The following CHD2 variants were observed in gnomAD, a reference collection of about 807,000 sequenced individuals.
CHD2 encodes the protein ATP-dependent chromatin remodeler CHD2.
CHD2 carries 28 observed loss-of-function variants against 243.9 expected under a neutral mutation model. That is an observed-to-expected ratio of 0.11 (90% CI 0.09 to 0.16). The LOEUF is 0.16. Ranked by LOEUF, CHD2 falls within the 10% of genes least tolerant of loss-of-function variation. The pLI, the probability that CHD2 is intolerant of heterozygous loss-of-function variation, is 1.00. For synonymous variants in CHD2, 775 were observed against 779.0 expected (o/e 0.99, Z 0.09); for missense variants, 1,386 against 2,209.8 (o/e 0.63, Z 7.47).
At chr15:92,930,726 T>C (rs1445723760) in intron 5 of CHD2, among the ~76,000 whole-genome samples, 1 of 152,166 alleles carries the variant, frequency 6.6e-6, no homozygotes, top group African/African-American at 2.4e-5. Context: ...GCCCCGCCAC[T>C]TATCAGTCTT....
At chr15:93,006,180 G>T (rs995626509) in intron 34 of CHD2, among the ~76,000 whole-genome samples, 5 of 125,792 alleles carry the variant, frequency 4.0e-5, no homozygotes, top group Middle Eastern at 6.8e-3. Context: ...AGGCTGGATT[G>T]CAGTGGCTCA....
chr15:93,021,644 G>GA (rs2054536037), intron 38 of CHD2: 1 of 152,202 alleles, frequency 6.6e-6, no homozygotes, highest in Non-Finnish European at 1.5e-5. Flanking sequence ...AGACTGCTGT[G>GA]AGGCCCATCC....
intron 9 of CHD2, chr15:92,943,570 G>A (rs1182062432): frequency 6.2e-6 from 1 of 160,554 alleles, no homozygotes; most frequent in Non-Finnish European, 1.4e-5. Flanking sequence ...CAGAAATGAT[G>A]TGAAGGAAAT....
At chr15:92,916,837 C>T in intron 2 of CHD2, among the ~76,000 whole-genome samples, 1 of 152,228 alleles carries the variant, frequency 6.6e-6, no homozygotes, top group East Asian at 1.9e-4. Flanking sequence ...CAGGCATGAG[C>T]TACTGCTCCT....
At position 92,980,886 on chromosome 15, in the gene CHD2, T is replaced by C; in HGVS notation, c.2948T>C (p.Leu983Pro). The C allele has an allele frequency of 6.2e-7, 1 of 1,613,450 alleles. No homozygotes were observed. Among genetic ancestry groups the C allele is most frequent in the Non-Finnish European group, 8.5e-7 (1 of 1,179,522 alleles). ...GGAGCAGAGGATCTCTTCAAAGAAC[T>C]GGAAGGGGAGGAATCAGAACCTCAG... ...KFGAEDLFKELEGEESEPQEM... is the reference protein window; with the variant it reads ...KFGAEDLFKEPEGEESEPQEM... Residue 983 changes from leucine (L) to proline (P), a missense_variant, in exon 23 of 39, where the codon CTG (leucine) becomes CCG (proline). Leu to Pro is a moderately conservative substitution (Grantham distance 98). This residue lies in a region of CHD2 where 99 missense variants were observed against 206.4 expected (regional missense o/e 0.48). Transcript: ENST00000394196.
intron 2 of CHD2, among the ~76,000 whole-genome samples, chr15:92,915,804 C>A (rs948052684): frequency 1.4e-4 from 22 of 152,078 alleles, no homozygotes; most frequent in Non-Finnish European, 2.6e-4. Context: ...GTCAGGCAAA[C>A]CTGCCTCCCA....
rs1304476368 is a variant in CHD2, at chr15:93,014,690, C to A, written c.4693-6C>A. 2 of 1,613,498 alleles carry A rather than the reference C, an allele frequency of 1.2e-6. No homozygotes were observed. Among genetic ancestry groups the A allele is most frequent in the Non-Finnish European group, 1.7e-6 (2 of 1,179,820 alleles). ...TGAGCTTCTTTGGTTTCCTTTTACT[C>A]TTTAGGAGCAAAAGAAGAAAGACGA... On this transcript the variant is annotated splice_polypyrimidine_tract_variant and splice_region_variant and intron_variant, in intron 36 of 38. Coordinates refer to ENST00000394196, the MANE Select transcript of CHD2 (RefSeq NM_001271.4).
chr15:92,908,662 C>G (rs1362842419), intron 2 of CHD2, among the ~76,000 whole-genome samples: 1 of 152,214 alleles, frequency 6.6e-6, no homozygotes, highest in Non-Finnish European at 1.5e-5. Flanking sequence ...TTTCCATTGC[C>G]TGTCCCATTT....
chr15:92,928,976 C>G (rs977635611), intron 4 of CHD2, 54 bp from the exon 5 acceptor site: 3 of 1,535,914 alleles, frequency 2.0e-6, no homozygotes, highest in Non-Finnish European at 2.7e-6. Context: ...AGTGTTGTCC[C>G]GAAGAACTGT....
chr15:92,951,954 G>A (rs2053559736), intron 13 of CHD2, among the ~76,000 whole-genome samples: 1 of 152,122 alleles, frequency 6.6e-6, no homozygotes, highest in South Asian at 2.1e-4. Flanking sequence ...CAGTTAGGTT[G>A]CCTTTAACTC....
At chr15:93,007,636 T>C (rs901081111) in intron 34 of CHD2, among the ~76,000 whole-genome samples, 1 of 152,202 alleles carries the variant, frequency 6.6e-6, no homozygotes, top group African/African-American at 2.4e-5. Flanking sequence ...TGCCAGATAC[T>C]CAGTGGCTGA....
chr15:92,976,118 T>C (rs908648471), intron 20 of CHD2, among the ~76,000 whole-genome samples: 12 of 152,174 alleles, frequency 7.9e-5, no homozygotes, highest in Admixed American at 6.5e-4. Flanking sequence ...TTGGTTGAAA[T>C]TGGTTTTGTG....
rs765676490 is a variant in CHD2 at position 92,997,115 on chromosome 15, A to G, written c.3734+20A>G. ...AAAAAAGTGAGTATATTTTGTGTAC[A>G]TGCTTAGATGGTCGTACCGTAAGAA... On this transcript the variant is annotated intron_variant, in intron 29 of 38. Transcript: ENST00000394196. The surrounding 1 kb of genome is among the most constrained non-coding windows in gnomAD (Gnocchi z 4.1). 6.2e-7 allele frequency: 1 copy of G among 1,606,020 alleles called. No individual in the cohort carries two copies. Among genetic ancestry groups the G allele is most frequent in the Non-Finnish European group, 8.5e-7 (1 of 1,177,682 alleles).
chr15:93,011,928 C>G (rs1003136616), intron 35 of CHD2, among the ~76,000 whole-genome samples: 1 of 152,120 alleles, frequency 6.6e-6, no homozygotes, highest in Non-Finnish European at 1.5e-5. Context: ...TGAAGGAAAA[C>G]TTAAAAGGAC....
At chr15:92,975,574 G>A (rs913561244) in intron 20 of CHD2, among the ~76,000 whole-genome samples, 3 of 152,130 alleles carry the variant, frequency 2.0e-5, no homozygotes, top group Non-Finnish European at 4.4e-5. Context: ...GAATAAAACT[G>A]TAATAATGTG....
chr15:92,993,395 G>A (rs1294865188), intron 28 of CHD2, among the ~76,000 whole-genome samples: 1 of 152,158 alleles, frequency 6.6e-6, no homozygotes, highest in Admixed American at 6.5e-5. Context: ...CAAACACAAA[G>A]GATTTAGAGA....
At position 92,998,102 on chromosome 15, in the gene CHD2, C is replaced by A; in HGVS notation, c.3886-397C>A. ...CCTGGCGTAGCTCAGTGCTCTCCGG[C>A]AATGCTCTAAGAAGCATTTTCAATC... On this transcript the variant is annotated intron_variant, in intron 30 of 38. Coordinates refer to ENST00000394196, the MANE Select transcript of CHD2 (RefSeq NM_001271.4). The surrounding 1 kb of genome is among the most constrained non-coding windows in gnomAD (Gnocchi z 5.1). The A allele has an allele frequency of 2.5e-6, 2 of 806,514 alleles. No individual in the cohort carries two copies. The highest frequency in any genetic ancestry group is 3.0e-6 in the Non-Finnish European group (2 of 660,324). The allele number at this position is 806,514 out of a possible 1,614,324, so 50.0% of individuals were successfully genotyped here.
chr15:92,910,606 G>T (rs962638987), intron 2 of CHD2, among the ~76,000 whole-genome samples: 1 of 152,074 alleles, frequency 6.6e-6, no homozygotes, highest in Non-Finnish European at 1.5e-5. Flanking sequence ...ATGTCGGTCA[G>T]GCTGGTCTCA....
chr15:92,964,118 C>G (rs1420234389), intron 16 of CHD2, among the ~76,000 whole-genome samples: 1 of 152,162 alleles, frequency 6.6e-6, no homozygotes, highest in Non-Finnish European at 1.5e-5. Flanking sequence ...GAGGAACTTT[C>G]AATTACTTTA....
Sources: allele counts gnomAD v4.1 joint callset (sites outside exome capture counted in the v4.1 genomes callset), GRCh38; gene constraint gnomAD v4.1.1; regional missense constraint gnomAD v4.1.1; non-coding constraint Gnocchi (gnomAD v3.1); transcripts MANE v1.5; gene names NCBI Gene and HGNC (gene_info 2026-07-23, HGNC 2026-07-21).